Variants in CYTH4 observed in about 807,000 individuals in gnomAD.
CYTH4 encodes cytohesin-4.
A neutral mutation model predicts 57.5 loss-of-function variants in CYTH4; 22 were observed. That is an observed-to-expected ratio of 0.38 (90% CI 0.27 to 0.55). The LOEUF is 0.55. CYTH4 is among the 20% of genes least tolerant of loss of function. The pLI is 0.74. For synonymous variants in CYTH4, 186 were observed against 206.5 expected (o/e 0.90, Z 0.85); for missense variants, 420 against 535.6 (o/e 0.78, Z 2.13).
At chr22:37,312,847 G>A (rs1334888359) in intron 12 of CYTH4, among the ~76,000 whole-genome samples, 2 of 152,264 alleles carry the variant, frequency 1.3e-5, no homozygotes, top group African/African-American at 4.8e-5. Context: ...CCTGCTCAAG[G>A]CTTGACTCTG....
chr22:37,295,323 G>A lies in CYTH4; in HGVS notation c.167+599G>A, dbSNP rs955539368. ...CCTGGCAATTTCCCATCCTGCGCCCGCCACTCCTTAGGTCTCCACCTGTCC... is the reference window on the plus strand; with the variant it reads ...CCTGGCAATTTCCCATCCTGCGCCCACCACTCCTTAGGTCTCCACCTGTCC... On this transcript the variant is annotated intron_variant, in intron 3 of 12. Coordinates refer to ENST00000248901, the MANE Select transcript of CYTH4 (RefSeq NM_013385.5). The surrounding 1 kb of genome is among the most constrained non-coding windows in gnomAD (Gnocchi z 4.1). Among the ~76,000 whole-genome samples, 1 of 150,352 alleles carries A rather than the reference G, an allele frequency of 6.7e-6. No individual in the cohort carries two copies. Among genetic ancestry groups the A allele is most frequent in the Non-Finnish European group, 1.5e-5 (1 of 67,568 alleles).
Position 37,293,411 on chromosome 22 carries a change from A to T in CYTH4, c.102+708A>T, listed in dbSNP as rs1353203189. 3.9e-5 allele frequency among the ~76,000 whole-genome samples: 6 copies of T among 152,154 alleles called. No homozygotes were observed. The East Asian group carries it at 1.2e-3, about 29-fold the overall frequency. ...TATGACCACCCATGATCCCAGCCCC[A>T]CCAGACTGTGCCCTCCATGAACACA... is the stretch of plus-strand genomic sequence containing the variant. On this transcript the variant is annotated intron_variant, in intron 2 of 12. Coordinates refer to ENST00000248901, the MANE Select transcript of CYTH4 (RefSeq NM_013385.5).
chr22:37,287,839 AAT>A (rs1432199609), intron 1 of CYTH4, among the ~76,000 whole-genome samples: 1 of 152,216 alleles, frequency 6.6e-6, no homozygotes, highest in Non-Finnish European at 1.5e-5. Context: ...AAGAGGGTTA[AAT>A]GACAGCAGTT....
At position 37,298,947 on chromosome 22, in the gene CYTH4, G is replaced by A. The variant is rs1229715513; in HGVS notation, c.354-279G>A. The stretch of plus-strand genomic sequence containing the variant: ...TGGGAAGTTACAGGAAATGAGGAAG[G>A]CCTGGACTGAGGGCAAGGCCGCTCC... On this transcript the variant is annotated intron_variant, in intron 5 of 12. Transcript: ENST00000248901. The surrounding 1 kb of genome is among the most constrained non-coding windows in gnomAD (Gnocchi z 4.1). Among the ~76,000 whole-genome samples the A allele has an allele frequency of 7.9e-5, 12 of 152,134 alleles. No individual in the cohort carries two copies. The highest frequency in any genetic ancestry group is 1.3e-4 in the Non-Finnish European group (9 of 68,004).
At chr22:37,304,633 GC>G (rs1929331071) in intron 8 of CYTH4, among the ~76,000 whole-genome samples, 1 of 152,154 alleles carries the variant, frequency 6.6e-6, no homozygotes, top group South Asian at 2.1e-4. Flanking sequence ...TGATTCTGGT[GC>G]CCCTCGGTGT....
intron 8 of CYTH4, 88 bp from the exon 9 acceptor site, chr22:37,309,124 G>C: frequency 8.6e-7 from 1 of 1,162,964 alleles, no homozygotes. Flanking sequence ...TGAGTGACCT[G>C]CTCAAGGCCA....
chr22:37,296,876 T>A (rs1276567051), intron 4 of CYTH4, among the ~76,000 whole-genome samples: 1 of 152,128 alleles, frequency 6.6e-6, no homozygotes, highest in Non-Finnish European at 1.5e-5. Flanking sequence ...CTTCCAGCAG[T>A]GGAACACAGA....
chr22:37,286,672 G>A (rs1428014306), intron 1 of CYTH4, among the ~76,000 whole-genome samples: 1 of 152,154 alleles, frequency 6.6e-6, no homozygotes, highest in East Asian at 1.9e-4. Flanking sequence ...TGGGTACAAG[G>A]AATGGTGGTG....
intron 1 of CYTH4, chr22:37,292,189 GC>G (rs757783109): frequency 4.6e-4 from 75 of 163,114 alleles, no homozygotes; most frequent in Non-Finnish European, 8.7e-4. Context: ...TAAATAATGA[GC>G]CCATGAGCCA....
chr22:37,303,494 T>A, intron 8 of CYTH4, 92 bp downstream of exon 8: 1 of 1,465,190 alleles, frequency 6.8e-7, no homozygotes, highest in East Asian at 2.5e-5. Context: ...TCCTCTGAGA[T>A]AGACAGCCCC....
rs73887107 is a variant in CYTH4 at position 37,297,648 on chromosome 22, A to C, written c.319A>C (p.Asn107His). The change falls in exon 5 of 13, where the codon AAC (asparagine) becomes CAC (histidine). Residue 107 changes from asparagine to histidine, a missense_variant. By Grantham distance (68) the Asn-to-His change is moderately conservative (BLOSUM62 1). Transcript: ENST00000248901. Reference sequence around the variant, plus strand: ...GTTCCTGTATAAAGGCGAGGGCCTCAACAAGACAGCCATTGGTACCTACCT... The same window carrying C: ...GTTCCTGTATAAAGGCGAGGGCCTCCACAAGACAGCCATTGGTACCTACCT... ...ARFLYKGEGL[N>H]KTAIGTYLGE... 2,160 of 1,613,890 alleles carry C rather than the reference A, an allele frequency of 1.3e-3. 22 individuals are homozygous for C. The African/African-American group carries it at 0.026, about 20-fold the overall frequency.
chr22:37,296,971 A>G (rs1359251591), intron 4 of CYTH4, among the ~76,000 whole-genome samples: 1 of 152,144 alleles, frequency 6.6e-6, no homozygotes, highest in East Asian at 1.9e-4. Context: ...TGGTGAGGAG[A>G]GGTGCTTGTG....
chr22:37,285,374 A>G (rs116035101), intron 1 of CYTH4, among the ~76,000 whole-genome samples: 4,803 of 149,888 alleles, frequency 0.032, 248 homozygotes, highest in African/African-American at 0.11. Flanking sequence ...TGGTGGTGGT[A>G]ATTTTATTAT....
chr22:37,305,415 T>C (rs1929358633), intron 8 of CYTH4, among the ~76,000 whole-genome samples: 1 of 152,142 alleles, frequency 6.6e-6, no homozygotes, highest in Non-Finnish European at 1.5e-5. Context: ...AGCGCTGGAC[T>C]CAGAACCACC....
intron 7 of CYTH4, 103 bp downstream of exon 7, chr22:37,301,122 G>T: frequency 1.0e-6 from 1 of 957,468 alleles, no homozygotes; most frequent in Non-Finnish European, 1.6e-6. Flanking sequence ...CCCAGACCCT[G>T]GCAGCCCAGA....
Position 37,313,628 on chromosome 22 carries a change from C to G in CYTH4, c.*117C>G. 5.3e-6 allele frequency: 5 copies of G among 943,934 alleles called. No homozygotes were observed. The highest frequency in any genetic ancestry group is 8.3e-6 in the Non-Finnish European group (5 of 600,470). The allele number at this position is 943,934 out of a possible 1,614,324, so 58.5% of individuals were successfully genotyped here. A position where few individuals can be genotyped will look rare whatever the true frequency, so the allele number is the denominator to read the frequency against. Reference sequence around the variant, plus strand: ...TTGGGCCACAGACATCATTGCTGTTCCCCGTTACCTCGAGCTGACTCTAGA... The same window carrying G: ...TTGGGCCACAGACATCATTGCTGTTGCCCGTTACCTCGAGCTGACTCTAGA... On this transcript the variant is annotated 3_prime_UTR_variant, in exon 13 of 13. Coordinates refer to ENST00000248901, the MANE Select transcript of CYTH4 (RefSeq NM_013385.5).
rs1929799153 is a variant in CYTH4, at chr22:37,314,849, C to G, written c.*1338C>G. 6.3e-6 allele frequency: 1 copy of G among 157,962 alleles called. No homozygotes were observed. The highest frequency in any genetic ancestry group is 6.5e-5 in the Admixed American group (1 of 15,416). 9.8% of individuals were successfully genotyped at this position (157,962 alleles called of 1,614,324 possible). A position where few individuals can be genotyped will look rare whatever the true frequency, so the allele number is the denominator to read the frequency against. On this transcript the variant is annotated 3_prime_UTR_variant, in exon 13 of 13. Transcript: ENST00000248901. Reference sequence around the variant, plus strand: ...GTGGGCAAGGAAGCAGGTGGATCCCCCAGAAGGAACCGCAGCTCGCGAGGC... The same window carrying G: ...GTGGGCAAGGAAGCAGGTGGATCCCGCAGAAGGAACCGCAGCTCGCGAGGC...
Position 37,311,031 on chromosome 22 carries a change from C to T in CYTH4, c.852C>T (p.Thr284=), listed in dbSNP as rs56378525. 82,057 of 1,614,092 alleles carry T rather than the reference C, an allele frequency of 0.051. 2,510 individuals carry two copies. Among genetic ancestry groups the T allele is most frequent in the Non-Finnish European group, 0.06 (70,761 of 1,179,970 alleles). The change falls in exon 10 of 13, where the codon ACC becomes ACT. Residue 284 remains threonine (T), a synonymous_variant. Coordinates refer to ENST00000248901, the MANE Select transcript of CYTH4 (RefSeq NM_013385.5). This position sits in a 1 kb window ranked among gnomAD's most constrained non-coding sequence, Gnocchi z 4.4. ...GGAAACGGCGCTGGTTCATCCTGAC[C>T]GACAACTGCCTCTACTACTTCGAGT... ...KTWKRRWFIL[T]DNCLYYFEFT... is the part of the protein sequence containing the mutation.
intron 3 of CYTH4, 113 bp downstream of exon 3, chr22:37,294,837 G>T: frequency 3.9e-6 from 5 of 1,296,358 alleles, no homozygotes; most frequent in Non-Finnish European, 3.3e-6. Flanking sequence ...GTGAAATCAG[G>T]GATTGGCCAG....
Sources: allele counts gnomAD v4.1 joint callset (sites outside exome capture counted in the v4.1 genomes callset), GRCh38; gene constraint gnomAD v4.1.1; non-coding constraint Gnocchi (gnomAD v3.1); transcripts MANE v1.5; gene names NCBI Gene and HGNC (gene_info 2026-07-23, HGNC 2026-07-21).